Variants in GLIS1 observed in about 807,000 individuals in gnomAD.
The protein encoded by GLIS1 is zinc finger protein GLIS1.
GLIS1 carries 24 observed loss-of-function variants against 63.8 expected under a neutral mutation model. That is an observed-to-expected ratio of 0.38 (90% CI 0.27 to 0.53). GLIS1 has a LOEUF of 0.53. GLIS1 is among the 20% of genes least tolerant of loss of function. The pLI is 0.85. For missense variants in GLIS1, 1,036 were observed against 1,074.1 expected (o/e 0.96, Z 0.50); for synonymous variants, 450 against 482.5 (o/e 0.93, Z 0.88).
chr1:53,670,196 C>A (rs544716351), intron 2 of GLIS1, among the ~76,000 whole-genome samples: 11 of 152,318 alleles, frequency 7.2e-5, no homozygotes, highest in Non-Finnish European at 1.5e-4. Flanking sequence ...AATGCTCCCC[C>A]AGCCCGAACC....
intron 2 of GLIS1, among the ~76,000 whole-genome samples, chr1:53,609,314 C>G (rs888678307): frequency 8.7e-6 from 1 of 115,244 alleles, no homozygotes; most frequent in South Asian, 3.0e-4. Flanking sequence ...CACTCTGTCG[C>G]CCAGGCTGGA....
At chr1:53,563,209 C>G (rs1365195562) in intron 4 of GLIS1, among the ~76,000 whole-genome samples, 2 of 152,186 alleles carry the variant, frequency 1.3e-5, no homozygotes, top group African/African-American at 4.8e-5. Context: ...CAAAGGTGAC[C>G]AAACACATGA....
In GLIS1 at chr1:53,506,676, G is replaced by A. The variant is rs181409895; in HGVS notation, c.2331C>T (p.Pro777=). The stretch of plus-strand genomic sequence containing the variant: ...CCAGGCAGTGGTCAAAGGCTCCATT[G>A]GGGAAGAAGCCACAGTCCTCGGGGC... ...SSGPEDCGFF[P]NGAFDHCLGH... Residue 777 remains proline, a synonymous_variant, in exon 11 of 11, where the codon CCC becomes CCT. Transcript: ENST00000628545. The A allele has an allele frequency of 7.1e-4, 1,146 of 1,613,584 alleles. 12 individuals carry two copies. In the East Asian group the frequency reaches 0.014, roughly 20 times the overall value.
intron 2 of GLIS1, among the ~76,000 whole-genome samples, chr1:53,613,275 TC>T (rs945505839): frequency 1.5e-4 from 23 of 152,378 alleles, no homozygotes; most frequent in African/African-American, 5.0e-4. Flanking sequence ...TAATTTTTCC[TC>T]ATGGTTGGAA....
At chr1:53,704,476 A>T (rs1314293607) in intron 2 of GLIS1, among the ~76,000 whole-genome samples, 2 of 151,532 alleles carry the variant, frequency 1.3e-5, no homozygotes, top group Non-Finnish European at 2.9e-5. Flanking sequence ...AATTCAGTGG[A>T]CTCCCCACCT....
intron 4 of GLIS1, among the ~76,000 whole-genome samples, chr1:53,580,265 G>A (rs1645072151): frequency 6.6e-6 from 1 of 152,170 alleles, no homozygotes; most frequent in Admixed American, 6.5e-5. Flanking sequence ...TTCAGGGCTG[G>A]AGCCCCAGGC....
Position 53,594,296 on chromosome 1 carries a change from A to G in GLIS1, c.1132T>C (p.Cys378Arg). The G allele has an allele frequency of 6.8e-6, 11 of 1,612,876 alleles. No individual in the cohort carries two copies. The highest frequency in any genetic ancestry group is 9.3e-6 in the Non-Finnish European group (11 of 1,179,898). Residue 378 changes from cysteine (C) to arginine (R), a missense_variant, in exon 4 of 11, where the codon TGT becomes CGT. Cys to Arg is a radical substitution (Grantham distance 180, BLOSUM62 -3). Transcript: ENST00000628545. ...GRQACRWVDC[C>R]AAYEQQEELV... Reference sequence around the variant, plus strand: ...TCCTCCTGCTGCTCATAGGCTGCACAGCAGTCCACCCAGCGGCACGCCTGC... The same window carrying G: ...TCCTCCTGCTGCTCATAGGCTGCACGGCAGTCCACCCAGCGGCACGCCTGC...
chr1:53,526,555 A>AACC lies in GLIS1; in HGVS notation c.1483-1671_1483-1669dup, dbSNP rs1180945303. Among the ~76,000 whole-genome samples, 1 of 149,860 alleles carries AACC rather than the reference A, an allele frequency of 6.7e-6. No homozygotes were observed. The highest frequency in any genetic ancestry group is 2.5e-5 in the African/African-American group (1 of 40,750). On this transcript the variant is annotated intron_variant, in intron 5 of 10. Transcript: ENST00000628545. This position sits in a 1 kb window ranked among gnomAD's most constrained non-coding sequence, Gnocchi z 4.4. ...CACACACACACACACACACACACAAAACCACCACCACCACACACACACACC... is the reference window on the plus strand; with the variant it reads ...CACACACACACACACACACACACAAAACCACCACCACCACCACACACACACACC...
intron 2 of GLIS1, among the ~76,000 whole-genome samples, chr1:53,676,473 C>T (rs376685394): frequency 6.6e-6 from 1 of 152,192 alleles, no homozygotes. Context: ...CCCCCATAGG[C>T]CCTGCCCGGG....
chr1:53,705,031 A>G (rs1646563498), intron 2 of GLIS1, among the ~76,000 whole-genome samples: 1 of 152,308 alleles, frequency 6.6e-6, no homozygotes, highest in South Asian at 2.1e-4. Flanking sequence ...CCTGCCCCCA[A>G]CACGTACCTA....
intron 2 of GLIS1, among the ~76,000 whole-genome samples, chr1:53,629,282 C>A (rs541521915): frequency 6.6e-6 from 1 of 152,296 alleles, no homozygotes; most frequent in East Asian, 1.9e-4. Flanking sequence ...AGGCCCAGCT[C>A]AAATGCTTCC....
rs911289002 is a variant in GLIS1 at position 53,511,932 on chromosome 1, C to T, written c.1884-1905G>A. Among the ~76,000 whole-genome samples, 7 of 152,210 alleles carry T rather than the reference C, an allele frequency of 4.6e-5. No homozygotes were observed. Among genetic ancestry groups the T allele is most frequent in the African/African-American group, 1.7e-4 (7 of 41,464 alleles). ...CAGGTCTTGGCCCTTCTCGGTCACC[C>T]GGTGCCCAGCGCTGGGCATGGCACA... On this transcript the variant is annotated intron_variant, in intron 8 of 10. Transcript: ENST00000628545. The surrounding 1 kb of genome is among the most constrained non-coding windows in gnomAD (Gnocchi z 4.2).
At chr1:53,692,769 C>G (rs926509658) in intron 2 of GLIS1, among the ~76,000 whole-genome samples, 1 of 152,228 alleles carries the variant, frequency 6.6e-6, no homozygotes, top group Non-Finnish European at 1.5e-5. Flanking sequence ...GCCATCCTAG[C>G]TCGGGCCTGC....
Position 53,520,616 on chromosome 1 carries a change from G to A in GLIS1, c.1726+18C>T, listed in dbSNP as rs1313750437. The A allele has an allele frequency of 1.9e-6, 3 of 1,594,734 alleles. No individual in the cohort carries two copies. Among genetic ancestry groups the A allele is most frequent in the Non-Finnish European group, 2.6e-6 (3 of 1,171,406 alleles). On this transcript the variant is annotated intron_variant, in intron 7 of 10. Transcript: ENST00000628545. ...CCTCCTGGGCTACGCCCCTGGCCCT[G>A]CCTCCCCGCACACGTACCTGGGAGC...
chr1:53,675,287 G>A (rs954583952), intron 2 of GLIS1, among the ~76,000 whole-genome samples: 1 of 152,190 alleles, frequency 6.6e-6, no homozygotes, highest in African/African-American at 2.4e-5. Flanking sequence ...ATCCTAGCAA[G>A]GACAAGAAAA....
chr1:53,627,036 C>G (rs939877638), intron 2 of GLIS1, among the ~76,000 whole-genome samples: 1 of 152,258 alleles, frequency 6.6e-6, no homozygotes, highest in African/African-American at 2.4e-5. Context: ...GTCTGCTGAA[C>G]TGAATCCTGG....
intron 2 of GLIS1, among the ~76,000 whole-genome samples, chr1:53,662,437 T>A (rs1285329030): frequency 6.6e-6 from 1 of 152,120 alleles, no homozygotes. Context: ...AAATGGTAGT[T>A]GTTATCATTG....
In GLIS1 at chr1:53,529,967, G is replaced by T; in HGVS notation, c.1321-15C>A. The T allele has an allele frequency of 6.2e-7, 1 of 1,610,582 alleles. No homozygotes were observed. The stretch of plus-strand genomic sequence containing the variant: ...CAGCCTTCAAACTGCAGGAGAGGCT[G>T]GTGAGGGGAACTCCCAGCCCGGTGG... On this transcript the variant is annotated splice_polypyrimidine_tract_variant and intron_variant, in intron 4 of 10. Coordinates refer to ENST00000628545, the MANE Select transcript of GLIS1 (RefSeq NM_001367484.1).
chr1:53,594,168 G>A lies in GLIS1; in HGVS notation c.1260C>T (p.Ala420=). ...GCATGTGGATGAGCAGCTTGTAGCGGGCGTTGAAGGGCTTGTAGCGGCGCA... is the reference window on the plus strand; with the variant it reads ...GCATGTGGATGAGCAGCTTGTAGCGAGCGTTGAAGGGCTTGTAGCGGCGCA... ...GCVRRYKPFN[A]RYKLLIHMRV... The change falls in exon 4 of 11, where the codon GCC becomes GCT. Residue 420 remains alanine, a synonymous_variant. Transcript: ENST00000628545. 1 of 1,613,942 alleles carries A rather than the reference G, an allele frequency of 6.2e-7. No individual in the cohort carries two copies. Among genetic ancestry groups the A allele is most frequent in the Non-Finnish European group, 8.5e-7 (1 of 1,179,862 alleles).
Sources: allele counts gnomAD v4.1 joint callset (sites outside exome capture counted in the v4.1 genomes callset), GRCh38; gene constraint gnomAD v4.1.1; non-coding constraint Gnocchi (gnomAD v3.1); transcripts MANE v1.5; gene names NCBI Gene and HGNC (gene_info 2026-07-23, HGNC 2026-07-21).